Variants in ARAP2 observed in about 807,000 individuals in gnomAD.
ARAP2 encodes the protein ArfGAP with RhoGAP domain, ankyrin repeat and PH domain 2.
In ARAP2, 148 loss-of-function variants were observed where a neutral mutation model predicts 194.5. The ratio of observed to expected loss-of-function variants is 0.76; its 90% CI spans 0.67 to 0.87. The LOEUF (loss-of-function observed/expected upper bound fraction) is 0.87, where lower values mean the gene tolerates loss of function less well. Among genes scored for constraint, ARAP2 ranks in the 40% least tolerant of loss-of-function variants. The probability of loss-of-function intolerance (pLI) is 0.00; values close to 1 mark genes in which losing one functional copy is unlikely to be tolerated. For synonymous variants in ARAP2, 695 were observed against 683.5 expected, an observed-to-expected ratio of 1.02 and a Z score of -0.26; for missense variants, 2,128 against 1,989.7, an observed-to-expected ratio of 1.07 and a Z score of -1.32.
chr4:36,164,670 T>G (rs1229463518), intron 11 of ARAP2, among the ~76,000 whole-genome samples: 1 of 152,214 alleles, frequency 6.6e-6, no homozygotes, highest in Non-Finnish European at 1.5e-5. Context: ...CACTGTCTTT[T>G]TAAAATCTAT....
intron 32 of ARAP2, 71 bp downstream of exon 32, chr4:36,073,618 A>G: frequency 6.6e-7 from 1 of 1,508,708 alleles, no homozygotes; most frequent in East Asian, 2.3e-5. Context: ...GTAATTAATG[A>G]CCTAATCACA....
At chr4:36,057,996 C>T (rs542890605) in exon 2 of ARAP2, 9 of 150,812 alleles carry the variant, frequency 6.0e-5, no homozygotes, top group African/African-American at 9.7e-5. Context: ...AAAGAGGAGG[C>T]TGATGATCCT....
chr4:36,131,375 A>T (rs1725412986), intron 20 of ARAP2, among the ~76,000 whole-genome samples: 1 of 150,268 alleles, frequency 6.7e-6, no homozygotes, highest in Non-Finnish European at 1.5e-5. Context: ...ACACATATTT[A>T]TATATAATAC....
At chr4:36,029,488 T>C (rs888244737) in intron 5 of ARAP2, among the ~76,000 whole-genome samples, 1 of 152,016 alleles carries the variant, frequency 6.6e-6, no homozygotes, top group African/African-American at 2.4e-5. Flanking sequence ...GTGGTTTCAG[T>C]CTTATTGAAT....
In ARAP2 at chr4:36,165,957, AC is replaced by A. The variant is rs574125373; in HGVS notation, c.1974-845del. Among the ~76,000 whole-genome samples the A allele has an allele frequency of 1.9e-3, 284 of 152,298 alleles. 1 individual carries two copies. Among genetic ancestry groups the A allele is most frequent in the African/African-American group, 6.5e-3 (272 of 41,578 alleles). On this transcript the variant is annotated intron_variant, in intron 10 of 32. Transcript: ENST00000303965. ...AAAATAAATGGCCTACATGAATTATACTTTTTGAAGCTCTTTAGGATTCCAT... is the reference window on the plus strand; with the variant it reads ...AAAATAAATGGCCTACATGAATTATATTTTTGAAGCTCTTTAGGATTCCAT...
intron 19 of ARAP2, among the ~76,000 whole-genome samples, chr4:36,134,862 G>C (rs1035506233): frequency 6.6e-6 from 1 of 151,456 alleles, no homozygotes; most frequent in Non-Finnish European, 1.5e-5. Flanking sequence ...CACTGTTCCT[G>C]ATCTCCCTCT....
At chr4:36,214,997 G>A (rs28578797) in intron 2 of ARAP2, among the ~76,000 whole-genome samples, 2 of 152,124 alleles carry the variant, frequency 1.3e-5, no homozygotes, top group Non-Finnish European at 2.9e-5. Context: ...GTCTCGGAAG[G>A]AAGATATTAC....
chr4:36,133,228 T>A lies in ARAP2; in HGVS notation c.3425A>T (p.Tyr1142Phe). ...AATAAAAACTCAGTGATACTTACCA[T>A]ACTGTGTAACAAATGCTATACAGCT... ...VNSCIAFVTQYGLGCKYIYQK... is the reference protein window; with the variant it reads ...VNSCIAFVTQFGLGCKYIYQK... Residue 1142 changes from tyrosine to phenylalanine, a missense_variant and splice_region_variant, in exon 20 of 33, where the codon TAT becomes TTT. Tyr to Phe is a conservative substitution (Grantham distance 22, BLOSUM62 3). Transcript: ENST00000303965. The A allele has an allele frequency of 6.2e-7, 1 of 1,610,130 alleles. No individual in the cohort carries two copies. The highest frequency in any genetic ancestry group is 8.5e-7 in the Non-Finnish European group (1 of 1,177,554).
chr4:36,233,273 T>C (rs1363615324), intron 1 of ARAP2, among the ~76,000 whole-genome samples: 1 of 152,114 alleles, frequency 6.6e-6, no homozygotes, highest in Non-Finnish European at 1.5e-5. Context: ...AAATTGAAGC[T>C]CTCCATGTTT....
intron 6 of ARAP2, among the ~76,000 whole-genome samples, chr4:36,197,636 T>C (rs1451814579): frequency 6.6e-6 from 1 of 152,184 alleles, no homozygotes; most frequent in Non-Finnish European, 1.5e-5. Context: ...CTGGATCCCA[T>C]CACTGCCAAC....
downstream of ARAP2, among the ~76,000 whole-genome samples, chr4:36,063,043 A>G (rs1380496403): frequency 6.6e-6 from 1 of 152,186 alleles, no homozygotes; most frequent in Non-Finnish European, 1.5e-5. Context: ...TAGAAAAACT[A>G]ACATAACTAA....
At chr4:36,231,285 G>A (rs1432766777) in intron 1 of ARAP2, among the ~76,000 whole-genome samples, 1 of 152,054 alleles carries the variant, frequency 6.6e-6, no homozygotes, top group Non-Finnish European at 1.5e-5. Context: ...GCAGTAAGCC[G>A]AGATGGTGCC....
chr4:36,225,338 T>C (rs1231796025), intron 2 of ARAP2, among the ~76,000 whole-genome samples: 1 of 152,120 alleles, frequency 6.6e-6, no homozygotes, highest in Non-Finnish European at 1.5e-5. Context: ...TGTACTTCCT[T>C]CAGTAGCTGT....
In ARAP2 at chr4:36,067,873, A is replaced by G; in HGVS notation, c.*34T>C. The G allele has an allele frequency of 6.5e-7, 1 of 1,530,066 alleles. No homozygotes were observed. Among genetic ancestry groups the G allele is most frequent in the African/African-American group, 1.4e-5 (1 of 72,130 alleles). The allele number at this position is 1,530,066 out of a possible 1,614,324, so 94.8% of individuals were successfully genotyped here. A position where few individuals can be genotyped will look rare whatever the true frequency, so the allele number is the denominator to read the frequency against. On this transcript the variant is annotated 3_prime_UTR_variant, in exon 33 of 33. Transcript: ENST00000303965. Reference sequence around the variant, plus strand: ...CACATAAAGATTGCATACAATATTAAAAAAATAATCTGGGGAGCAATTCAT... The same window carrying G: ...CACATAAAGATTGCATACAATATTAGAAAAATAATCTGGGGAGCAATTCAT...
intron 8 of ARAP2, among the ~76,000 whole-genome samples, chr4:36,181,396 T>C (rs1739201460): frequency 6.8e-6 from 1 of 148,028 alleles, no homozygotes; most frequent in South Asian, 2.1e-4. Context: ...GCTTAGAGTA[T>C]AAGAATTAAA....
At chr4:36,175,267 A>G (rs551478475) in intron 9 of ARAP2, among the ~76,000 whole-genome samples, 1 of 152,312 alleles carries the variant, frequency 6.6e-6, no homozygotes, top group South Asian at 2.1e-4. Context: ...GCATCAAATC[A>G]TCTTACTATT....
intron 9 of ARAP2, 130 bp downstream of exon 9, chr4:36,177,697 T>C: frequency 1.3e-6 from 1 of 783,036 alleles, no homozygotes; most frequent in South Asian, 4.7e-5. Flanking sequence ...ATTTCTTTGG[T>C]ATATTTAGTG....
chr4:36,173,377 C>CA (rs1314114771), intron 9 of ARAP2, among the ~76,000 whole-genome samples: 1 of 152,110 alleles, frequency 6.6e-6, no homozygotes, highest in African/African-American at 2.4e-5. Context: ...CTGACTTACA[C>CA]ACTATACACC....
At chr4:36,130,528 C>T (rs1725168114) in intron 20 of ARAP2, among the ~76,000 whole-genome samples, 1 of 151,836 alleles carries the variant, frequency 6.6e-6, no homozygotes, top group African/African-American at 2.4e-5. Context: ...TCATGGTAAG[C>T]ACTGTGCTTT....
Sources: allele counts gnomAD v4.1 joint callset (sites outside exome capture counted in the v4.1 genomes callset), GRCh38; gene constraint gnomAD v4.1.1; transcripts MANE v1.5; gene names NCBI Gene and HGNC (gene_info 2026-07-23, HGNC 2026-07-21).